TMEM244: variants seen among roughly 807,000 people sequenced by gnomAD.
The protein encoded by TMEM244 is transmembrane protein 244.
A neutral mutation model predicts 15.8 loss-of-function variants in TMEM244; 13 were observed. The observed-to-expected ratio is 0.82, with a 90% confidence interval of 0.53 to 1.30. The LOEUF (loss-of-function observed/expected upper bound fraction) is 1.30. Ranked by LOEUF, TMEM244 falls within the 50% of genes most tolerant of loss-of-function variation. TMEM244 has a pLI of 0.00. For missense variants in TMEM244, 161 were observed against 144.9 expected, an observed-to-expected ratio of 1.11 and a Z score of -0.57; for synonymous variants, 45 against 48.7, an observed-to-expected ratio of 0.92 and a Z score of 0.32.
At position 129,849,022 on chromosome 6, in the gene TMEM244, C is replaced by T. The variant is rs955572614; in HGVS notation, c.34-3170G>A. Among the ~76,000 whole-genome samples, 18 of 151,816 alleles carry T rather than the reference C, an allele frequency of 1.2e-4. No individual in the cohort carries two copies. In the South Asian group the frequency reaches 1.9e-3, roughly 16 times the overall value. On this transcript the variant is annotated intron_variant, in intron 1 of 4. Coordinates refer to ENST00000368143, the MANE Select transcript of TMEM244 (RefSeq NM_001010876.2). ...ACTATAAAATTTTCCTTGTATAATC[C>T]AAACATGAGGATTGTACTACAAACC... is the stretch of plus-strand genomic sequence containing the variant.
intron 1 of TMEM244, among the ~76,000 whole-genome samples, chr6:129,856,240 T>C (rs6934421): frequency 0.073 from 11,166 of 152,202 alleles, 472 homozygotes; most frequent in Non-Finnish European, 0.091. Context: ...CCATCATTTT[T>C]GTACTTCCTT....
chr6:129,839,527 G>T (rs531163056), intron 3 of TMEM244, among the ~76,000 whole-genome samples: 4 of 152,296 alleles, frequency 2.6e-5, no homozygotes, highest in African/African-American at 9.6e-5. Context: ...ACAAGAAAAG[G>T]ATGCCCTCTC....
At chr6:129,842,817 A>G (rs1249374080) in intron 3 of TMEM244, among the ~76,000 whole-genome samples, 2 of 151,524 alleles carry the variant, frequency 1.3e-5, no homozygotes, top group South Asian at 2.1e-4. Flanking sequence ...CAAACTCACC[A>G]TGAAGCTCCC....
intron 3 of TMEM244, among the ~76,000 whole-genome samples, chr6:129,839,662 T>C (rs1250667881): frequency 1.3e-5 from 2 of 152,204 alleles, no homozygotes; most frequent in South Asian, 2.1e-4. Flanking sequence ...GATGACATGA[T>C]TGTATATTTA....
intron 1 of TMEM244, among the ~76,000 whole-genome samples, 191 bp from the exon 2 acceptor site, chr6:129,846,043 A>G (rs1776556650): frequency 6.6e-6 from 1 of 152,190 alleles, no homozygotes; most frequent in African/African-American, 2.4e-5. Context: ...AATTTTCTTA[A>G]GAGTCATGTG....
chr6:129,840,258 G>A (rs1776470144), intron 3 of TMEM244, among the ~76,000 whole-genome samples: 1 of 152,072 alleles, frequency 6.6e-6, no homozygotes, highest in Non-Finnish European at 1.5e-5. Flanking sequence ...CAGAACAGAG[G>A]CCTCAAGAAT....
intron 4 of TMEM244, among the ~76,000 whole-genome samples, chr6:129,832,213 T>A (rs1192325656): frequency 6.6e-6 from 1 of 151,012 alleles, no homozygotes; most frequent in Non-Finnish European, 1.5e-5. Context: ...TCTCCCTGCC[T>A]CAGCCTCCCA....
chr6:129,836,302 C>T (rs190967642), intron 3 of TMEM244, among the ~76,000 whole-genome samples: 3 of 152,142 alleles, frequency 2.0e-5, no homozygotes, highest in Non-Finnish European at 2.9e-5. Context: ...CTCCAGCAAA[C>T]CCCAACAGAT....
chr6:129,838,566 A>G (rs963938747), intron 3 of TMEM244, among the ~76,000 whole-genome samples: 1 of 152,224 alleles, frequency 6.6e-6, no homozygotes, highest in Non-Finnish European at 1.5e-5. Flanking sequence ...AGCAGAAGGC[A>G]AGAAATAACC....
chr6:129,854,521 T>TTA (rs1396753522), intron 1 of TMEM244, among the ~76,000 whole-genome samples: 2 of 152,100 alleles, frequency 1.3e-5, no homozygotes, highest in Non-Finnish European at 2.9e-5. Flanking sequence ...TACCCAACAG[T>TTA]TATATGACTC....
chr6:129,845,673 C>T, intron 2 of TMEM244, 94 bp downstream of exon 2: 1 of 952,444 alleles, frequency 1.0e-6, no homozygotes, highest in Non-Finnish European at 1.6e-6. Flanking sequence ...TCCACATCCT[C>T]TAATCCATAA....
chr6:129,852,748 G>A lies in TMEM244; in HGVS notation c.34-6896C>T, dbSNP rs180946400. ...TACTGGGGGTTTGCCTGCAACCAGC[G>A]CCTCACCTTCCTTTTAGCTCCCTGG... On this transcript the variant is annotated intron_variant, in intron 1 of 4. Coordinates refer to ENST00000368143, the MANE Select transcript of TMEM244 (RefSeq NM_001010876.2). Among the ~76,000 whole-genome samples the A allele has an allele frequency of 3.6e-3, 544 of 152,188 alleles. 3 individuals carry two copies. The highest frequency in any genetic ancestry group is 5.1e-3 in the Non-Finnish European group (347 of 67,996).
intron 4 of TMEM244, among the ~76,000 whole-genome samples, chr6:129,832,818 A>C (rs927675688): frequency 3.3e-5 from 5 of 152,202 alleles, no homozygotes; most frequent in African/African-American, 1.2e-4. Flanking sequence ...CACAGGTAGA[A>C]ATAAAAACCA....
intron 3 of TMEM244, among the ~76,000 whole-genome samples, chr6:129,837,337 G>A (rs987820891): frequency 1.3e-5 from 2 of 152,094 alleles, no homozygotes; most frequent in African/African-American, 4.8e-5. Context: ...CTTCATAAGT[G>A]AAGGAGAATT....
chr6:129,836,914 T>C (rs933138890), intron 3 of TMEM244, among the ~76,000 whole-genome samples: 7 of 151,880 alleles, frequency 4.6e-5, no homozygotes, highest in African/African-American at 1.7e-4. Context: ...CTCCAAGAAA[T>C]ATAGGACTGT....
At chr6:129,860,999 A>G (rs1404457201) in intron 1 of TMEM244, among the ~76,000 whole-genome samples, 157 bp downstream of exon 1, 2 of 152,128 alleles carry the variant, frequency 1.3e-5, no homozygotes. Context: ...CTATTACCAC[A>G]AGATGCAAGC....
chr6:129,853,986 C>G (rs1776670571), intron 1 of TMEM244, among the ~76,000 whole-genome samples: 1 of 152,202 alleles, frequency 6.6e-6, no homozygotes, highest in Admixed American at 6.5e-5. Context: ...TCTCTTCATT[C>G]AGCTCTTGAG....
chr6:129,838,168 G>T (rs1327981916), intron 3 of TMEM244, among the ~76,000 whole-genome samples: 1 of 152,108 alleles, frequency 6.6e-6, no homozygotes, highest in African/African-American at 2.4e-5. Flanking sequence ...CCACATAATT[G>T]GTAGTAAAAC....
chr6:129,858,816 C>G (rs1036716923), intron 1 of TMEM244, among the ~76,000 whole-genome samples: 4 of 146,810 alleles, frequency 2.7e-5, no homozygotes, highest in African/African-American at 1.0e-4. Context: ...TTTTTTGAAA[C>G]AGAGTCTTGC....
Sources: gnomAD v4.1 joint callset for allele counts (sites outside exome capture counted in the v4.1 genomes callset) on GRCh38, gnomAD v4.1.1 for gene constraint, MANE v1.5 for transcripts, NCBI Gene and HGNC (gene_info 2026-07-23, HGNC 2026-07-21) for gene names.